KHDRBS2: variants seen among roughly 807,000 people sequenced by gnomAD.
KHDRBS2 encodes the protein KH domain-containing, RNA-binding, signal transduction-associated protein 2.
A neutral mutation model predicts 44.3 loss-of-function variants in KHDRBS2; 26 were observed. The ratio of observed to expected loss-of-function variants is 0.59; its 90% CI spans 0.43 to 0.81. The LOEUF is 0.81. Ranked by LOEUF, KHDRBS2 falls within the 40% of genes least tolerant of loss-of-function variation. KHDRBS2 has a pLI of 0.00. For missense variants in KHDRBS2, 476 were observed against 433.1 expected (o/e 1.10, Z -0.88); for synonymous variants, 194 against 151.1 (o/e 1.28, Z -2.08).
At chr6:62,262,900 C>T (rs1838598885) in intron 1 of KHDRBS2, among the ~76,000 whole-genome samples, 1 of 151,528 alleles carries the variant, frequency 6.6e-6, no homozygotes, top group Admixed American at 6.6e-5. Context: ...TAGAGAGAAA[C>T]CATTCTCTCT....
chr6:61,970,865 C>T (rs1771240051), intron 4 of KHDRBS2, among the ~76,000 whole-genome samples: 1 of 152,078 alleles, frequency 6.6e-6, no homozygotes, highest in Admixed American at 6.6e-5. Flanking sequence ...TGCCCTCTTC[C>T]CACTGCTACT....
intron 6 of KHDRBS2, among the ~76,000 whole-genome samples, chr6:61,830,575 C>G (rs1344638982): frequency 6.6e-6 from 1 of 152,168 alleles, no homozygotes; most frequent in Non-Finnish European, 1.5e-5. Flanking sequence ...AGTTTTGAAG[C>G]TTTTAATTCC....
At chr6:61,709,304 G>T (rs754946854) in intron 7 of KHDRBS2, among the ~76,000 whole-genome samples, 4 of 151,516 alleles carry the variant, frequency 2.6e-5, no homozygotes, top group Admixed American at 6.6e-5. Flanking sequence ...AATATAGGCG[G>T]ATTATTCATG....
At chr6:61,719,602 G>T (rs1181328599) in intron 7 of KHDRBS2, among the ~76,000 whole-genome samples, 1 of 151,954 alleles carries the variant, frequency 6.6e-6, no homozygotes, top group Non-Finnish European at 1.5e-5. Flanking sequence ...TACTAGCCCT[G>T]CAATTTGAAG....
At chr6:61,984,155 A>C (rs1774554890) in intron 3 of KHDRBS2, among the ~76,000 whole-genome samples, 1 of 152,174 alleles carries the variant, frequency 6.6e-6, no homozygotes, top group Non-Finnish European at 1.5e-5. Flanking sequence ...CCATGACTAC[A>C]GCCATACCAC....
intron 1 of KHDRBS2, among the ~76,000 whole-genome samples, chr6:62,233,914 C>T (rs112724648): frequency 1.3e-5 from 2 of 151,916 alleles, no homozygotes; most frequent in African/African-American, 4.8e-5. Context: ...GATTCCATGT[C>T]TCTGCTATTG....
intron 4 of KHDRBS2, among the ~76,000 whole-genome samples, chr6:61,919,746 A>C (rs1351768798): frequency 6.6e-6 from 1 of 151,872 alleles, no homozygotes; most frequent in South Asian, 2.1e-4. Context: ...AAAAAACCCC[A>C]CCAAACCATC....
chr6:61,584,933 A>ATTTTC, the KHDRBS2 span, among the ~76,000 whole-genome samples: 1 of 151,802 alleles, frequency 6.6e-6, no homozygotes, highest in African/African-American at 2.4e-5. Context: ...CCTGTTGCAA[A>ATTTTC]TTTTCTTTTT....
At chr6:62,069,971 C>G (rs1341795056) in intron 2 of KHDRBS2, among the ~76,000 whole-genome samples, 1 of 151,582 alleles carries the variant, frequency 6.6e-6, no homozygotes, top group Non-Finnish European at 1.5e-5. Context: ...TCATTCCTTT[C>G]TATTCCTAGG....
intron 3 of KHDRBS2, among the ~76,000 whole-genome samples, chr6:62,025,383 G>A (rs1036744058): frequency 6.6e-6 from 1 of 150,600 alleles, no homozygotes; most frequent in African/African-American, 2.4e-5. Flanking sequence ...TAAAGATATT[G>A]GTGTCTTTCT....
chr6:62,136,273 T>A (rs1206373186), intron 2 of KHDRBS2, among the ~76,000 whole-genome samples: 1 of 152,180 alleles, frequency 6.6e-6, no homozygotes, highest in Admixed American at 6.5e-5. Context: ...CAGGCCACAG[T>A]TTGTCCACTC....
chr6:62,284,273 T>G, intron 1 of KHDRBS2, among the ~76,000 whole-genome samples: 1 of 152,206 alleles, frequency 6.6e-6, no homozygotes, highest in Non-Finnish European at 1.5e-5. Context: ...CAAATAGAAC[T>G]CCAATTAGCG....
intron 2 of KHDRBS2, among the ~76,000 whole-genome samples, chr6:62,162,671 C>A (rs1413229422): frequency 6.6e-6 from 1 of 152,060 alleles, no homozygotes; most frequent in African/African-American, 2.4e-5. Context: ...ACAGATTCTG[C>A]AACTGCAATT....
intron 6 of KHDRBS2, among the ~76,000 whole-genome samples, chr6:61,794,658 G>C (rs1175893378): frequency 6.6e-6 from 1 of 152,044 alleles, no homozygotes; most frequent in East Asian, 1.9e-4. Context: ...CAAATTAGGA[G>C]ACCATTGACA....
intron 6 of KHDRBS2, among the ~76,000 whole-genome samples, chr6:61,862,213 AT>A (rs1307809742): frequency 6.6e-6 from 1 of 152,116 alleles, no homozygotes; most frequent in Non-Finnish European, 1.5e-5. Context: ...TCCTATTGTC[AT>A]CTGCAAGCAA....
At chr6:62,197,404 T>C (rs1359821751) in intron 1 of KHDRBS2, among the ~76,000 whole-genome samples, 1 of 152,158 alleles carries the variant, frequency 6.6e-6, no homozygotes, top group Non-Finnish European at 1.5e-5. Flanking sequence ...ACTGGTATTA[T>C]ATACAATACA....
intron 1 of KHDRBS2, among the ~76,000 whole-genome samples, chr6:62,271,271 GA>G (rs1840045560): frequency 6.6e-6 from 1 of 152,082 alleles, no homozygotes; most frequent in Non-Finnish European, 1.5e-5. Flanking sequence ...CAATGGAGCT[GA>G]AAAACTCCTA....
chr6:61,926,339 G>A (rs1376974663), intron 4 of KHDRBS2, among the ~76,000 whole-genome samples: 1 of 152,192 alleles, frequency 6.6e-6, no homozygotes, highest in Non-Finnish European at 1.5e-5. Context: ...AGCTGACTGT[G>A]AAAGTAAGAT....
chr6:61,622,201 C>G, the KHDRBS2 span, among the ~76,000 whole-genome samples: 4 of 152,216 alleles, frequency 2.6e-5, no homozygotes, highest in South Asian at 8.3e-4. Flanking sequence ...TCCTTTAAAC[C>G]TTAACTGCTT....
Sources: allele counts gnomAD v4.1 joint callset (sites outside exome capture counted in the v4.1 genomes callset), GRCh38; gene constraint gnomAD v4.1.1; transcripts MANE v1.5; gene names NCBI Gene and HGNC (gene_info 2026-07-23, HGNC 2026-07-21).